Variants in BTN2A1 observed in about 807,000 individuals in gnomAD.
BTN2A1 encodes butyrophilin subfamily 2 member A1, also known as butyrophilin, subfamily 2, member A1.
A neutral mutation model predicts 34.5 loss-of-function variants in BTN2A1; 41 were observed. The ratio of observed to expected loss-of-function variants is 1.19; its 90% CI spans 0.93 to 1.54. The LOEUF is 1.54. Among genes scored for constraint, BTN2A1 ranks in the 40% most tolerant of loss-of-function variants. The pLI, the probability that BTN2A1 is intolerant of heterozygous loss-of-function variation, is 0.00. For synonymous variants in BTN2A1, 267 were observed against 258.6 expected, an observed-to-expected ratio of 1.03 and a Z score of -0.31; for missense variants, 642 against 662.0, an observed-to-expected ratio of 0.97 and a Z score of 0.33.
intron 5 of BTN2A1, chr6:26,465,682 C>G (rs374113124): frequency 2.9e-5 from 13 of 453,322 alleles, no homozygotes; most frequent in Non-Finnish European, 3.8e-5. Context: ...ATGAATCTCT[C>G]AGAGCTTTCA....
At chr6:26,465,470 G>A (rs1763287193) in intron 5 of BTN2A1, 64 bp downstream of exon 5, 2 of 1,507,660 alleles carry the variant, frequency 1.3e-6, no homozygotes, top group East Asian at 4.5e-5. Flanking sequence ...GCTGAGGCAG[G>A]CAGATCACTT....
intron 3 of BTN2A1, among the ~76,000 whole-genome samples, chr6:26,460,982 T>A (rs990876252): frequency 1.3e-5 from 2 of 152,192 alleles, no homozygotes; most frequent in Admixed American, 6.5e-5. Flanking sequence ...TAATCTGTGG[T>A]GGCATTTCAC....
At position 26,459,653 on chromosome 6, in the gene BTN2A1, A is replaced by T; in HGVS notation, c.255A>T (p.Thr85=). Residue 85 remains threonine, a synonymous_variant, in exon 3 of 8, where the codon ACA becomes ACT. Coordinates refer to ENST00000312541, the MANE Select transcript of BTN2A1 (RefSeq NM_007049.5). Reference sequence around the variant, plus strand: ...TGTATAAAGGTGGCAGAGAGAGAACAGAGGAGCAGATGGAGGAGTACCGAG... The same window carrying T: ...TGTATAAAGGTGGCAGAGAGAGAACTGAGGAGCAGATGGAGGAGTACCGAG... ...VFVYKGGRER[T]EEQMEEYRGR... 1 of 1,614,170 alleles carries T rather than the reference A, an allele frequency of 6.2e-7. No homozygotes were observed.
At position 26,468,002 on chromosome 6, in the gene BTN2A1, A is replaced by G. The variant is rs746840863; in HGVS notation, c.1037A>G (p.Asp346Gly). The G allele has an allele frequency of 5.6e-6, 9 of 1,614,056 alleles. No individual in the cohort carries two copies. In the African/African-American group the frequency reaches 1.2e-4, roughly 22 times the overall value. Residue 346 changes from aspartate (D) to glycine (G), a missense_variant, in exon 8 of 8, where the codon GAC (aspartate) becomes GGC (glycine). Transcript: ENST00000312541. ...CATCCCGATCTCTTCCTGTCAGAGG[A>G]CCGGAGAAGTGTGAGAAGGTGCCCC... ...TAHPDLFLSE[D>G]RRSVRRCPFR... is the part of the protein sequence containing the mutation.
Position 26,458,630 on chromosome 6 carries a change from G to A in BTN2A1, c.-7G>A. ...AGGCCTCCTGTCCCTGCCTGCTCTG[G>A]GTGCTCATGGAATCAGCTGCTGCCC... On this transcript the variant is annotated 5_prime_UTR_variant, in exon 2 of 8. Transcript: ENST00000312541. 6.2e-7 allele frequency: 1 copy of A among 1,614,006 alleles called. No homozygotes were observed. The highest frequency in any genetic ancestry group is 1.3e-5 in the African/African-American group (1 of 74,982).
chr6:26,463,135 TCTCC>T, intron 3 of BTN2A1, 105 bp from the exon 4 acceptor site: 1 of 1,302,794 alleles, frequency 7.7e-7, no homozygotes, highest in Non-Finnish European at 1.1e-6. Context: ...TTGTTTCCTA[TCTCC>T]CTCTTTTTTA....
chr6:26,476,031 A>G, intron 7 of BTN2A1: 2 of 1,033,092 alleles, frequency 1.9e-6, no homozygotes, highest in Non-Finnish European at 2.9e-6. Context: ...TAGTTGAAAG[A>G]TTTTTTTTTA....
intron 1 of BTN2A1, among the ~76,000 whole-genome samples, 197 bp from the exon 2 acceptor site, chr6:26,458,410 C>T (rs903364192): frequency 5.3e-5 from 8 of 152,100 alleles, no homozygotes; most frequent in African/African-American, 1.9e-4. Flanking sequence ...AAAAAGGCCC[C>T]CTTGATCTTG....
downstream of BTN2A1, among the ~76,000 whole-genome samples, chr6:26,471,077 A>C (rs1189172109): frequency 3.3e-5 from 5 of 152,204 alleles, no homozygotes; most frequent in Non-Finnish European, 7.4e-5. Flanking sequence ...CAGTTGTAAA[A>C]CTGGGTTGAA....
intron 1 of BTN2A1, 92 bp from the exon 2 acceptor site, chr6:26,458,515 C>T (rs1380910426): frequency 1.3e-5 from 13 of 1,013,740 alleles, no homozygotes; most frequent in Non-Finnish European, 1.5e-5. Flanking sequence ...AGTTGGGGCA[C>T]TGATGAGACC....
In BTN2A1 at chr6:26,459,769, G is replaced by T; in HGVS notation, c.371G>T (p.Arg124Leu). 1.9e-6 allele frequency: 3 copies of T among 1,614,114 alleles called. No homozygotes were observed. The highest frequency in any genetic ancestry group is 2.5e-6 in the Non-Finnish European group (3 of 1,179,998). Residue 124 changes from arginine (R) to leucine (L), a missense_variant, in exon 3 of 8, where the codon CGC becomes CTC. By Grantham distance (102) the Arg-to-Leu change is moderately radical. Transcript: ENST00000312541. ...NITAQENGTY[R>L]CYFQEGRSYD... ...ACAGCCCAGGAAAACGGCACCTACC[G>T]CTGTTACTTCCAAGAAGGCAGGTCC...
chr6:26,474,030 C>T (rs1299739638), downstream of BTN2A1, among the ~76,000 whole-genome samples: 1 of 152,184 alleles, frequency 6.6e-6, no homozygotes, highest in African/African-American at 2.4e-5. Context: ...TATTCTGGAT[C>T]AGAGAATCTT....
chr6:26,472,154 C>T (rs958691692), downstream of BTN2A1, among the ~76,000 whole-genome samples: 1 of 152,068 alleles, frequency 6.6e-6, no homozygotes, highest in African/African-American at 2.4e-5. Context: ...AATGTTGCCT[C>T]ATGGTCACAA....
At chr6:26,462,987 C>G in intron 3 of BTN2A1, 2 of 1,089,342 alleles carry the variant, frequency 1.8e-6, no homozygotes, top group South Asian at 3.1e-5. Flanking sequence ...TATAGGTGGA[C>G]CGCAAAGAAA....
Position 26,463,245 on chromosome 6 carries a change from A to G in BTN2A1, c.432A>G (p.Gly144=). The G allele has an allele frequency of 8.8e-6, 14 of 1,594,726 alleles. No homozygotes were observed. The highest frequency in any genetic ancestry group is 1.1e-5 in the Non-Finnish European group (13 of 1,171,174). The change falls in exon 4 of 8, where the codon GGA becomes GGG. Residue 144 remains glycine, a splice_region_variant and synonymous_variant. Transcript: ENST00000312541. ...CTGAACCCTGATATCTCTCCACAGG[A>G]CTAGGCTCTAAGCCCCTCATTTCAA... is the stretch of plus-strand genomic sequence containing the variant. ...DEAILHLVVA[G]LGSKPLISMR... is the part of the protein sequence containing the mutation.
chr6:26,470,299 A>G (rs1763425664), downstream of BTN2A1, among the ~76,000 whole-genome samples: 1 of 152,104 alleles, frequency 6.6e-6, no homozygotes, highest in African/African-American at 2.4e-5. Context: ...GTGAGCCAAG[A>G]TCGTGCTGCT....
At chr6:26,459,856 T>G in intron 3 of BTN2A1, 28 bp downstream of exon 3, 4 of 1,588,812 alleles carry the variant, frequency 2.5e-6, no homozygotes, top group Non-Finnish European at 3.4e-6. Flanking sequence ...GCTTTGTTAC[T>G]TTGGCACAGT....
At chr6:26,464,387 T>C (rs957409241) in intron 4 of BTN2A1, among the ~76,000 whole-genome samples, 3 of 152,214 alleles carry the variant, frequency 2.0e-5, no homozygotes, top group Non-Finnish European at 4.4e-5. Flanking sequence ...GCTAACCATA[T>C]ATTCTATCAG....
chr6:26,474,688 C>T (rs867198880), intron 7 of BTN2A1, among the ~76,000 whole-genome samples: 1 of 151,748 alleles, frequency 6.6e-6, no homozygotes, highest in Non-Finnish European at 1.5e-5. Flanking sequence ...AGAGGGACAA[C>T]CTGAATAGAG....
Sources: gnomAD v4.1 joint callset for allele counts (sites outside exome capture counted in the v4.1 genomes callset) on GRCh38, gnomAD v4.1.1 for gene constraint, MANE v1.5 for transcripts, NCBI Gene and HGNC (gene_info 2026-07-23, HGNC 2026-07-21) for gene names.